CNTNAP3B: variants seen among roughly 807,000 people sequenced by gnomAD.
CNTNAP3B encodes the protein contactin-associated protein-like 3B.
A neutral mutation model predicts 108.9 loss-of-function variants in CNTNAP3B; 25 were observed. The observed-to-expected ratio is 0.23, with a 90% confidence interval of 0.17 to 0.32. CNTNAP3B has a LOEUF of 0.32. Among genes scored for constraint, CNTNAP3B ranks in the 10% least tolerant of loss-of-function variants. CNTNAP3B has a pLI of 1.00. For missense variants in CNTNAP3B, 252 were observed against 1,210.4 expected, an observed-to-expected ratio of 0.21 and a Z score of 11.75; for synonymous variants, 103 against 473.4, an observed-to-expected ratio of 0.22 and a Z score of 10.16.
Position 42,072,982 on chromosome 9 carries a change from T to G in CNTNAP3B, c.390+3887A>C, listed in dbSNP as rs1357366868. 2.1e-5 allele frequency among the ~76,000 whole-genome samples: 3 copies of G among 139,700 alleles called. 1 individual carries two copies. The highest frequency in any genetic ancestry group is 4.6e-5 in the Non-Finnish European group (3 of 65,104). 91.6% of individuals were successfully genotyped at this position (139,700 alleles called of 152,430 possible). A position where few individuals can be genotyped will look rare whatever the true frequency, so the allele number is the denominator to read the frequency against. ...CACATTAAGCAGAGTAACTAAAAAA[T>G]GCAAATAGCCCCAAAGTCAGTACAT... On this transcript the variant is annotated intron_variant, in intron 3 of 23. Transcript: ENST00000377561.
At chr9:41,978,820 T>C (rs1012167693) in intron 9 of CNTNAP3B, among the ~76,000 whole-genome samples, 5 of 145,696 alleles carry the variant, frequency 3.4e-5, no homozygotes, top group South Asian at 4.3e-4. Context: ...GCCATCAACA[T>C]GGTAACTATG....
At position 41,993,480 on chromosome 9, in the gene CNTNAP3B, A is replaced by C. The variant is rs1323307221; in HGVS notation, c.1072-1609T>G. On this transcript the variant is annotated intron_variant, in intron 7 of 23. Transcript: ENST00000377561. ...GGAAAACACTTTTCATGACAAGAAAACATTTGCAGAAGAAAATTTAAAAAA... is the reference window on the plus strand; with the variant it reads ...GGAAAACACTTTTCATGACAAGAAACCATTTGCAGAAGAAAATTTAAAAAA... 3 of 110,880 alleles carry C rather than the reference A, an allele frequency of 2.7e-5. 1 individual carries two copies. The highest frequency in any genetic ancestry group is 1.1e-4 in the African/African-American group (3 of 28,310). The allele number at this position is 110,880 out of a possible 1,614,324, so 6.9% of individuals were successfully genotyped here.
At chr9:42,056,122 A>G (rs1827061995) in intron 3 of CNTNAP3B, among the ~76,000 whole-genome samples, 2 of 130,138 alleles carry the variant, frequency 1.5e-5, no homozygotes, top group Non-Finnish European at 1.6e-5. Flanking sequence ...TAATATCCAT[A>G]ATATTGCATG....
intron 13 of CNTNAP3B, 57 bp downstream of exon 13, chr9:41,953,126 C>A: frequency 6.9e-7 from 1 of 1,455,752 alleles, no homozygotes; most frequent in South Asian, 1.3e-5. Flanking sequence ...CATCTCGCAG[C>A]CCGAGGGCCG....
intron 13 of CNTNAP3B, among the ~76,000 whole-genome samples, chr9:41,941,250 A>C (rs1185999018): frequency 6.7e-6 from 1 of 150,358 alleles, no homozygotes; most frequent in African/African-American, 2.5e-5. Context: ...AATATAACAA[A>C]AGTTAGATGC....
chr9:42,086,379 A>AATATAT (rs570448707), intron 2 of CNTNAP3B, among the ~76,000 whole-genome samples: 1 of 126,264 alleles, frequency 7.9e-6, no homozygotes, highest in East Asian at 2.4e-4. Flanking sequence ...TGTTGCTATG[A>AATATAT]ATATATATAT....
intron 11 of CNTNAP3B, among the ~76,000 whole-genome samples, chr9:41,962,968 C>G (rs1467326834): frequency 6.7e-6 from 1 of 149,490 alleles, no homozygotes; most frequent in Non-Finnish European, 1.5e-5. Flanking sequence ...AAACAAAAAA[C>G]AAACAAACAA....
intron 15 of CNTNAP3B, among the ~76,000 whole-genome samples, chr9:41,924,731 A>C (rs1261134149): frequency 3.9e-5 from 6 of 151,988 alleles, no homozygotes; most frequent in East Asian, 1.9e-4. Context: ...CAAGAACAAG[A>C]AGAAGCTTAT....
chr9:42,026,726 A>G lies in CNTNAP3B; in HGVS notation c.391-13201T>C, dbSNP rs576906338. ...CTGCCAGCAACATTCTGGACTTCCCATATTTTTCTGCCGTTAAAACCTATC... is the reference window on the plus strand; with the variant it reads ...CTGCCAGCAACATTCTGGACTTCCCGTATTTTTCTGCCGTTAAAACCTATC... On this transcript the variant is annotated intron_variant, in intron 3 of 23. Transcript: ENST00000377561. 2.4e-4 allele frequency among the ~76,000 whole-genome samples: 31 copies of G among 130,010 alleles called. 3 individuals are homozygous for G. Among genetic ancestry groups the G allele is most frequent in the African/African-American group, 9.4e-4 (30 of 31,818 alleles). The allele number at this position is 130,010 out of a possible 152,430, so 85.3% of individuals were successfully genotyped here.
chr9:42,003,184 T>A (rs1476661004), intron 4 of CNTNAP3B, among the ~76,000 whole-genome samples: 1 of 138,810 alleles, frequency 7.2e-6, no homozygotes, highest in Non-Finnish European at 1.5e-5. Context: ...CCACCCCGCC[T>A]GGCCTACTTT....
At chr9:41,969,686 C>T (rs1169300491) in intron 10 of CNTNAP3B, among the ~76,000 whole-genome samples, 2 of 151,590 alleles carry the variant, frequency 1.3e-5, no homozygotes, top group African/African-American at 4.9e-5. Flanking sequence ...GGCGCGATCT[C>T]TGCTCACTGC....
chr9:41,947,231 A>C (rs1824554093), intron 13 of CNTNAP3B, among the ~76,000 whole-genome samples: 1 of 151,830 alleles, frequency 6.6e-6, no homozygotes, highest in African/African-American at 2.4e-5. Flanking sequence ...TCAAATGCCC[A>C]TGAAAAATTT....
At chr9:42,085,703 C>T (rs1278362406) in intron 2 of CNTNAP3B, among the ~76,000 whole-genome samples, 1 of 134,024 alleles carries the variant, frequency 7.5e-6, no homozygotes, top group Non-Finnish European at 1.6e-5. Context: ...TGAGCTGTCA[C>T]ATGTATCACT....
rs1247487973 is a variant in CNTNAP3B at position 41,928,642 on chromosome 9, A to T, written c.2365+675T>A. On this transcript the variant is annotated intron_variant, in intron 15 of 23. Transcript: ENST00000377561. ...AAGTAGCCCCCACACATTGAGGTAG[A>T]ACAGGAAATAAAAATACATTTAGTC... Among the ~76,000 whole-genome samples the T allele has an allele frequency of 1.9e-4, 29 of 152,374 alleles. No homozygotes were observed. In the South Asian group the frequency reaches 3.1e-3, roughly 16 times the overall value.
chr9:42,115,120 G>T (rs1828284826), intron 1 of CNTNAP3B, among the ~76,000 whole-genome samples: 1 of 138,172 alleles, frequency 7.2e-6, no homozygotes, highest in African/African-American at 2.9e-5. Context: ...AGCAAAGTGA[G>T]TTAAAGCCCA....
In CNTNAP3B at chr9:42,090,866, CAT is replaced by C. The variant is rs1319865567; in HGVS notation, c.196+13761_196+13762del. 1.3e-4 allele frequency among the ~76,000 whole-genome samples: 10 copies of C among 79,302 alleles called. 1 individual carries two copies. Among genetic ancestry groups the C allele is most frequent in the South Asian group, 8.3e-4 (2 of 2,402 alleles). The allele number at this position is 79,302 out of a possible 152,430, so 52.0% of individuals were successfully genotyped here. A position where few individuals can be genotyped will look rare whatever the true frequency, so the allele number is the denominator to read the frequency against. ...ACACACACACACACACACACACACACATACATTCAGCTTCAGGAAAACTGGTG... is the reference window on the plus strand; with the variant it reads ...ACACACACACACACACACACACACACACATTCAGCTTCAGGAAAACTGGTG... On this transcript the variant is annotated intron_variant, in intron 2 of 23. Transcript: ENST00000377561.
chr9:41,938,748 T>C (rs529959880), intron 13 of CNTNAP3B, among the ~76,000 whole-genome samples: 2 of 152,396 alleles, frequency 1.3e-5, no homozygotes, highest in African/African-American at 4.8e-5. Flanking sequence ...ATAAAATCTA[T>C]TTGAAATTAT....
intron 1 of CNTNAP3B, among the ~76,000 whole-genome samples, chr9:42,126,431 T>G (rs1170988723): frequency 7.4e-6 from 1 of 134,378 alleles, no homozygotes; most frequent in Non-Finnish European, 1.6e-5. Context: ...TCAGTGCAAG[T>G]CTATGGGCAC....
At chr9:41,934,110 T>TACAC (rs1411140483) in intron 14 of CNTNAP3B, among the ~76,000 whole-genome samples, 11 of 127,044 alleles carry the variant, frequency 8.7e-5, no homozygotes, top group South Asian at 2.4e-4. Context: ...CATATATATA[T>TACAC]ATATATATAT....
Sources: allele counts gnomAD v4.1 joint callset (sites outside exome capture counted in the v4.1 genomes callset), GRCh38; gene constraint gnomAD v4.1.1; transcripts MANE v1.5; gene names NCBI Gene and HGNC (gene_info 2026-07-23, HGNC 2026-07-21).